ZNF718: variants seen among roughly 807,000 people sequenced by gnomAD.
The protein encoded by ZNF718 is zinc finger protein 718.
A neutral mutation model predicts 2.6 loss-of-function variants in ZNF718; 3 were observed. The observed-to-expected ratio is 1.16, with a 90% confidence interval of 0.53 to 3.01. The LOEUF is 3.01. Ranked by LOEUF, ZNF718 falls within the 30% of genes most tolerant of loss-of-function variation. ZNF718 has a pLI of 0.03. For missense variants in ZNF718, 468 were observed against 230.0 expected, an observed-to-expected ratio of 2.03 and a Z score of -6.69; for synonymous variants, 135 against 77.9, an observed-to-expected ratio of 1.73 and a Z score of -3.86.
intron 1 of ZNF718, 51 bp downstream of exon 1, chr4:124,724 C>T (rs1194944115): frequency 3.1e-6 from 5 of 1,603,822 alleles, no homozygotes; most frequent in Non-Finnish European, 4.2e-6. Flanking sequence ...TCATCGGAAC[C>T]GGCGGGAAAT....
At chr4:200,683 G>A (rs985421708) in intron 3 of ZNF718, among the ~76,000 whole-genome samples, 8 of 152,128 alleles carry the variant, frequency 5.3e-5, no homozygotes, top group African/African-American at 1.4e-4. Context: ...CAAAGGTGAG[G>A]GGAAGGTGCA....
intron 1 of ZNF718, among the ~76,000 whole-genome samples, chr4:126,572 A>G (rs142778081): frequency 6.6e-6 from 1 of 152,268 alleles, no homozygotes; most frequent in Non-Finnish European, 1.5e-5. Context: ...AGATGTGGGA[A>G]GTTTATTTTT....
chr4:192,214 G>A (rs1338240911), intron 3 of ZNF718, among the ~76,000 whole-genome samples: 1 of 152,184 alleles, frequency 6.6e-6, no homozygotes, highest in Non-Finnish European at 1.5e-5. Context: ...GACCAGAAGA[G>A]TGTGCAGTTG....
chr4:164,666 TGTTAA>T (rs1717046354), downstream of ZNF718, among the ~76,000 whole-genome samples: 1 of 152,202 alleles, frequency 6.6e-6, no homozygotes, highest in South Asian at 2.1e-4. Context: ...ACAATGTGTG[TGTTAA>T]GTAACATTTA....
chr4:167,692 A>C (rs1553817162), downstream of ZNF718, among the ~76,000 whole-genome samples: 1 of 152,226 alleles, frequency 6.6e-6, no homozygotes, highest in Non-Finnish European at 1.5e-5. Flanking sequence ...ATTTTTGCAC[A>C]TTGATTTTGT....
chr4:125,803 C>G lies in ZNF718; in HGVS notation c.3+1130C>G, dbSNP rs114267601. Among the ~76,000 whole-genome samples the G allele has an allele frequency of 9.7e-3, 1,481 of 152,318 alleles. 14 individuals carry two copies. Among genetic ancestry groups the G allele is most frequent in the Non-Finnish European group, 0.016 (1,099 of 68,012 alleles). ...TGGGCATTCGCACGGCCACACCTGGCCTAAGACAGGGTTCTACCCTCAGGA... is the reference window on the plus strand; with the variant it reads ...TGGGCATTCGCACGGCCACACCTGGGCTAAGACAGGGTTCTACCCTCAGGA... On this transcript the variant is annotated intron_variant, in intron 1 of 3. Transcript: ENST00000510175.
At chr4:164,867 G>C (rs1717051265), downstream of ZNF718, among the ~76,000 whole-genome samples, 1 of 152,110 alleles carries the variant, frequency 6.6e-6, no homozygotes, top group South Asian at 2.1e-4. Context: ...GAAAGTGATA[G>C]GTGTGTAATA....
chr4:126,246 A>G (rs1384217140), intron 1 of ZNF718, among the ~76,000 whole-genome samples: 2 of 152,246 alleles, frequency 1.3e-5, no homozygotes, highest in Non-Finnish European at 2.9e-5. Flanking sequence ...GTAGGAGCAA[A>G]TACAAATTAG....
intron 3 of ZNF718, among the ~76,000 whole-genome samples, chr4:149,256 C>G (rs1347226901): frequency 6.6e-6 from 1 of 152,158 alleles, no homozygotes; most frequent in Non-Finnish European, 1.5e-5. Context: ...GGCTCATTTT[C>G]ATTAGAGCAT....
downstream of ZNF718, among the ~76,000 whole-genome samples, chr4:166,947 A>G (rs568939526): frequency 1.3e-5 from 2 of 152,214 alleles, no homozygotes; most frequent in East Asian, 3.9e-4. Flanking sequence ...CCTGAATGGT[A>G]TTGCCTAGGT....
In ZNF718 at chr4:161,988, T is replaced by C. The variant is rs1716903449; in HGVS notation, c.1303T>C (p.Ser435Pro). ...ACAATGTGGCAAAGCCTTTAAACAG[T>C]CCTCACACTTGAATAAACATAAGAA... ...CKQCGKAFKQSSHLNKHKKIH... is the reference protein window; with the variant it reads ...CKQCGKAFKQPSHLNKHKKIH... Residue 435 changes from serine (S) to proline (P), a missense_variant, in exon 4 of 4, where the codon TCC becomes CCC. Physicochemically the swap from Ser to Pro is moderately conservative, Grantham distance 74. Coordinates refer to ENST00000510175, the MANE Select transcript of ZNF718 (RefSeq NM_001039127.6). 1.3e-6 allele frequency: 1 copy of C among 779,720 alleles called. No homozygotes were observed. The highest frequency in any genetic ancestry group is 1.7e-5 in the African/African-American group (1 of 59,118). The allele number at this position is 779,720 out of a possible 1,614,324, so 48.3% of individuals were successfully genotyped here.
chr4:149,980 A>G (rs999108713), intron 3 of ZNF718: 2 of 152,190 alleles, frequency 1.3e-5, no homozygotes, highest in South Asian at 4.1e-4. Flanking sequence ...GATTTATTTT[A>G]TCTTGTAAAA....
intron 3 of ZNF718, among the ~76,000 whole-genome samples, chr4:177,621 T>G (rs1717376373): frequency 6.6e-6 from 1 of 152,198 alleles, no homozygotes; most frequent in Non-Finnish European, 1.5e-5. Flanking sequence ...AGAGTTCAAA[T>G]GGTCCTCTAA....
At position 124,686 on chromosome 4, in the gene ZNF718, G is replaced by A. The variant is rs367622153; in HGVS notation, c.3+13G>A. The A allele has an allele frequency of 3.9e-5, 63 of 1,609,448 alleles. No homozygotes were observed. The African/African-American group carries it at 7.3e-4, about 19-fold the overall frequency. ...AAGTCGGGAAATGGTGAGTGTGCAG[G>A]GCAGGGCGTCCCAAGGCTGTGGAGG... On this transcript the variant is annotated intron_variant, in intron 1 of 3. Transcript: ENST00000510175.
chr4:158,487 C>T (rs1716676040), intron 3 of ZNF718, among the ~76,000 whole-genome samples: 2 of 150,748 alleles, frequency 1.3e-5, no homozygotes, highest in Admixed American at 6.6e-5. Context: ...ATTGATAGGC[C>T]CTTACTTCTT....
At chr4:148,639 C>T (rs539112300) in intron 3 of ZNF718, among the ~76,000 whole-genome samples, 16 of 149,528 alleles carry the variant, frequency 1.1e-4, no homozygotes, top group African/African-American at 3.4e-4. Context: ...AAAAATCCAC[C>T]ATTGAATAAA....
At chr4:176,929 C>T (rs56281464) in intron 3 of ZNF718, among the ~76,000 whole-genome samples, 2,265 of 152,290 alleles carry the variant, frequency 0.015, 60 homozygotes, top group African/African-American at 0.051. Flanking sequence ...TTTCTGCATT[C>T]ATTCTTGTTT....
chr4:124,825 C>T (rs1715121581), intron 1 of ZNF718, 152 bp downstream of exon 1: 3 of 1,024,094 alleles, frequency 2.9e-6, no homozygotes, highest in Non-Finnish European at 4.3e-6. Context: ...CTTGTCAGTC[C>T]CCGTACAGCG....
At chr4:139,628 G>T (rs1389288394) in intron 3 of ZNF718, among the ~76,000 whole-genome samples, 1 of 152,174 alleles carries the variant, frequency 6.6e-6, no homozygotes, top group African/African-American at 2.4e-5. Context: ...ATCACTTCAT[G>T]CCTTCCTTGC....
Sources: gnomAD v4.1 joint callset for allele counts (sites outside exome capture counted in the v4.1 genomes callset) on GRCh38, gnomAD v4.1.1 for gene constraint, MANE v1.5 for transcripts, NCBI Gene and HGNC (gene_info 2026-07-23, HGNC 2026-07-21) for gene names.